Variants in ZNF609 observed in about 807,000 individuals in gnomAD.
The protein encoded by ZNF609 is zinc finger protein 609.
A neutral mutation model predicts 109.5 loss-of-function variants in ZNF609; 11 were observed. The observed-to-expected ratio is 0.10, with a 90% CI of 0.06 to 0.17. The LOEUF (loss-of-function observed/expected upper bound fraction) is 0.17, where lower values mean the gene tolerates loss of function less well. Ranked by LOEUF, ZNF609 falls within the 10% of genes least tolerant of loss-of-function variation. The pLI, the probability that ZNF609 is intolerant of heterozygous loss-of-function variation, is 1.00. For synonymous variants in ZNF609, 646 were observed against 662.0 expected (o/e 0.98, Z 0.37); for missense variants, 1,559 against 1,772.4 (o/e 0.88, Z 2.16).
intron 3 of ZNF609, among the ~76,000 whole-genome samples, chr15:64,644,966 T>C (rs1274973182): frequency 2.8e-5 from 4 of 144,280 alleles, no homozygotes; most frequent in East Asian, 1.9e-4. Context: ...TTCTTTTCTT[T>C]TCTTCTTTCT....
rs189978833 is a variant in ZNF609, at chr15:64,529,370, A to G, written c.747+29204A>G. On this transcript the variant is annotated intron_variant, in intron 2 of 9. Transcript: ENST00000326648. ...CAGCCTTCTCCATGGTGGTGAAGAC[A>G]CCAGTGAACTCTACGACGTACTCAG... 5.4e-6 allele frequency: 4 copies of G among 735,322 alleles called. No individual in the cohort carries two copies. The African/African-American group carries it at 6.9e-5, about 13-fold the overall frequency. 45.5% of individuals were successfully genotyped at this position (735,322 alleles called of 1,614,324 possible).
At chr15:64,625,888 C>CAAAA (rs869043429) in intron 3 of ZNF609, among the ~76,000 whole-genome samples, 3 of 26,322 alleles carry the variant, frequency 1.1e-4, no homozygotes, top group African/African-American at 3.6e-4. Flanking sequence ...GACTCCATCT[C>CAAAA]AAAAAAAAAA....
At chr15:64,625,888 C>CAA (rs869043429) in intron 3 of ZNF609, among the ~76,000 whole-genome samples, 18 of 26,322 alleles carry the variant, frequency 6.8e-4, no homozygotes, top group African/African-American at 7.1e-4. Flanking sequence ...GACTCCATCT[C>CAA]AAAAAAAAAA....
chr15:64,570,083 C>T (rs1223972704), intron 2 of ZNF609, among the ~76,000 whole-genome samples: 2 of 152,190 alleles, frequency 1.3e-5, no homozygotes, highest in African/African-American at 2.4e-5. Flanking sequence ...TTGTCTCAAA[C>T]TCCTGTGCTC....
intron 4 of ZNF609, among the ~76,000 whole-genome samples, chr15:64,673,175 G>T (rs995607754): frequency 6.6e-6 from 1 of 152,158 alleles, no homozygotes; most frequent in Non-Finnish European, 1.5e-5. Flanking sequence ...GGAACCCAAA[G>T]GAGATATTTG....
intron 3 of ZNF609, among the ~76,000 whole-genome samples, chr15:64,637,763 C>G (rs891107704): frequency 6.6e-6 from 1 of 151,754 alleles, no homozygotes; most frequent in Admixed American, 6.6e-5. Flanking sequence ...TGTATGAATT[C>G]TTTGCATATT....
intron 2 of ZNF609, among the ~76,000 whole-genome samples, chr15:64,553,563 AT>A (rs1485951629): frequency 6.6e-6 from 1 of 150,834 alleles, no homozygotes; most frequent in East Asian, 1.9e-4. Flanking sequence ...ATTTTAATTT[AT>A]TTTTTAATTT....
intron 1 of ZNF609, among the ~76,000 whole-genome samples, chr15:64,474,947 T>C (rs979518105): frequency 3.3e-5 from 5 of 152,130 alleles, no homozygotes; most frequent in Non-Finnish European, 7.3e-5. Context: ...TTTTTCATTT[T>C]ATCCATATCT....
chr15:64,685,082 T>C lies in ZNF609; in HGVS notation c.*3396T>C, dbSNP rs1453304985. ...GTTGCTGTTCATAGATTTTGTTCCA[T>C]TGGCGTTGCTCTGTTGAATTTAATT... On this transcript the variant is annotated 3_prime_UTR_variant, in exon 10 of 10. Transcript: ENST00000326648. The C allele has an allele frequency of 1.3e-5, 2 of 152,570 alleles. No homozygotes were observed. Among genetic ancestry groups the C allele is most frequent in the African/African-American group, 4.8e-5 (2 of 41,422 alleles). 9.5% of individuals were successfully genotyped at this position (152,570 alleles called of 1,614,324 possible).
In ZNF609 at chr15:64,623,006, A is replaced by C. The variant is rs922814511; in HGVS notation, c.927A>C (p.Gly309=). The part of the protein sequence containing the change: ...EPECLGPCEP[G]TSVNLEGIVW... ...AGTGCTTGGGCCCCTGTGAACCTGGAACTAGCGTCAACCTTGAAGGCATCG... is the reference window on the plus strand; with the variant it reads ...AGTGCTTGGGCCCCTGTGAACCTGGCACTAGCGTCAACCTTGAAGGCATCG... Residue 309 remains glycine, a synonymous_variant, in exon 3 of 10, where the codon GGA becomes GGC. Coordinates refer to ENST00000326648, the MANE Select transcript of ZNF609 (RefSeq NM_015042.2). 1.2e-6 allele frequency: 2 copies of C among 1,614,124 alleles called. No individual in the cohort carries two copies. The highest frequency in any genetic ancestry group is 2.7e-5 in the African/African-American group (2 of 74,942).
At chr15:64,620,838 C>G (rs904094230) in intron 2 of ZNF609, among the ~76,000 whole-genome samples, 1 of 152,086 alleles carries the variant, frequency 6.6e-6, no homozygotes, top group Non-Finnish European at 1.5e-5. Context: ...AGCCTATAGG[C>G]TAGTTTTCAA....
At chr15:64,497,909 AAAATT>A (rs1316727527) in intron 1 of ZNF609, among the ~76,000 whole-genome samples, 1 of 152,010 alleles carries the variant, frequency 6.6e-6, no homozygotes, top group Non-Finnish European at 1.5e-5. Flanking sequence ...TCAAAAAAAA[AAAATT>A]TTTTTTTTAA....
At chr15:64,563,515 G>A (rs924120689) in intron 2 of ZNF609, among the ~76,000 whole-genome samples, 1 of 152,064 alleles carries the variant, frequency 6.6e-6, no homozygotes, top group Non-Finnish European at 1.5e-5. Flanking sequence ...AGTAGCTCAC[G>A]CCTGTAATCC....
At chr15:64,663,497 A>T (rs1896608042) in intron 3 of ZNF609, among the ~76,000 whole-genome samples, 3 of 152,134 alleles carry the variant, frequency 2.0e-5, no homozygotes, top group Admixed American at 2.0e-4. Flanking sequence ...CTCCATTTAG[A>T]CGTCCAATGG....
At chr15:64,567,756 G>C (rs760076707) in intron 2 of ZNF609, among the ~76,000 whole-genome samples, 6 of 151,132 alleles carry the variant, frequency 4.0e-5, no homozygotes, top group Non-Finnish European at 8.8e-5. Flanking sequence ...CTGTCTCCCG[G>C]GTTCAAGCGA....
intron 2 of ZNF609, among the ~76,000 whole-genome samples, chr15:64,549,673 G>T (rs1261753104): frequency 6.6e-6 from 1 of 152,158 alleles, no homozygotes. Flanking sequence ...GTGTGTGTGT[G>T]TGAGTGAGAG....
chr15:64,550,726 C>T (rs1277677096), intron 2 of ZNF609, among the ~76,000 whole-genome samples: 1 of 150,334 alleles, frequency 6.7e-6, no homozygotes, highest in Non-Finnish European at 1.5e-5. Flanking sequence ...ATCCCAGCTA[C>T]TTGAGAGGCC....
At chr15:64,591,510 C>T (rs891002728) in intron 2 of ZNF609, among the ~76,000 whole-genome samples, 3 of 152,056 alleles carry the variant, frequency 2.0e-5, no homozygotes, top group Non-Finnish European at 4.4e-5. Context: ...TTAAAAAAAG[C>T]CTCAAAATGT....
intron 2 of ZNF609, among the ~76,000 whole-genome samples, chr15:64,591,430 A>AAAAC (rs367966675): frequency 0.052 from 7,847 of 152,084 alleles, 266 homozygotes; most frequent in South Asian, 0.092. Flanking sequence ...TCTATCTCAA[A>AAAAC]AAACAAACAA....
Sources: gnomAD v4.1 joint callset for allele counts (sites outside exome capture counted in the v4.1 genomes callset) on GRCh38, gnomAD v4.1.1 for gene constraint, MANE v1.5 for transcripts, NCBI Gene and HGNC (gene_info 2026-07-23, HGNC 2026-07-21) for gene names.